Variants in ZNF462 observed in about 807,000 individuals in gnomAD.
ZNF462 encodes the protein zinc finger PBX1-interacting protein.
ZNF462 carries 10 observed loss-of-function variants against 201.9 expected under a neutral mutation model. That is an observed-to-expected ratio of 0.05 (90% CI 0.03 to 0.08). The LOEUF (loss-of-function observed/expected upper bound fraction) is 0.08. Among genes scored for constraint, ZNF462 ranks in the 10% least tolerant of loss-of-function variants. The pLI, the probability that ZNF462 is intolerant of heterozygous loss-of-function variation, is 1.00. For missense variants in ZNF462, 2,523 were observed against 3,168.3 expected, an observed-to-expected ratio of 0.80 and a Z score of 4.89; for synonymous variants, 1,227 against 1,193.3, an observed-to-expected ratio of 1.03 and a Z score of -0.58.
At chr9:106,937,334 A>G (rs1830673737) in intron 6 of ZNF462, among the ~76,000 whole-genome samples, 1 of 152,174 alleles carries the variant, frequency 6.6e-6, no homozygotes, top group South Asian at 2.1e-4. Context: ...CTCACTTCAC[A>G]TGTGAACCCA....
At chr9:107,007,421 C>T (rs779192515) in intron 11 of ZNF462, among the ~76,000 whole-genome samples, 1 of 152,140 alleles carries the variant, frequency 6.6e-6, no homozygotes, top group Non-Finnish European at 1.5e-5. Flanking sequence ...CCTCTTCTCA[C>T]TGGAAAAAGT....
At chr9:106,951,412 G>GATTT (rs891210874) in intron 7 of ZNF462, among the ~76,000 whole-genome samples, 4 of 152,136 alleles carry the variant, frequency 2.6e-5, no homozygotes, top group Non-Finnish European at 5.9e-5. Flanking sequence ...GTAGGTTTAA[G>GATTT]ATTTATTTAT....
chr9:106,871,959 G>A (rs758188125), intron 1 of ZNF462, among the ~76,000 whole-genome samples: 47 of 152,190 alleles, frequency 3.1e-4, no homozygotes, highest in Non-Finnish European at 5.0e-4. Flanking sequence ...ACTACCTGGC[G>A]TCAGTTTGGG....
intron 7 of ZNF462, among the ~76,000 whole-genome samples, 192 bp downstream of exon 7, chr9:106,939,299 G>T (rs1451891374): frequency 6.6e-6 from 1 of 152,180 alleles, no homozygotes; most frequent in East Asian, 1.9e-4. Flanking sequence ...GAGCATCTGT[G>T]TGACGCCATG....
intron 1 of ZNF462, among the ~76,000 whole-genome samples, chr9:106,878,097 G>A (rs1215663123): frequency 6.6e-6 from 1 of 152,156 alleles, no homozygotes; most frequent in Non-Finnish European, 1.5e-5. Flanking sequence ...ACAGAGTAGT[G>A]GGAAAGTGAT....
At chr9:106,975,223 C>T (rs772101888) in intron 9 of ZNF462, 2 of 152,244 alleles carry the variant, frequency 1.3e-5, no homozygotes, top group Non-Finnish European at 1.5e-5. Flanking sequence ...CCCTTCTTTT[C>T]ATCCTCTTCC....
At chr9:106,873,149 T>C (rs575810340) in intron 1 of ZNF462, among the ~76,000 whole-genome samples, 3 of 152,336 alleles carry the variant, frequency 2.0e-5, no homozygotes, top group African/African-American at 7.2e-5. Flanking sequence ...GCCAGGAGTA[T>C]ATCCTTGGAG....
In ZNF462 at chr9:106,890,413, T is replaced by C. The variant is rs1184847563; in HGVS notation, c.-31+27058T>C. Among the ~76,000 whole-genome samples the C allele has an allele frequency of 6.6e-6, 1 of 152,232 alleles. No homozygotes were observed. Among genetic ancestry groups the C allele is most frequent in the African/African-American group, 2.4e-5 (1 of 41,462 alleles). ...TCGGGAGAATTCCTTCATTTCCTTC[T>C]GGAGTCCTTTTTGGGCATACAAAAA... On this transcript the variant is annotated intron_variant, in intron 1 of 12. Coordinates refer to ENST00000277225, the MANE Select transcript of ZNF462 (RefSeq NM_021224.6). The surrounding 1 kb of genome is among the most constrained non-coding windows in gnomAD (Gnocchi z 4.2).
At chr9:106,996,843 G>A (rs1016706724) in intron 10 of ZNF462, among the ~76,000 whole-genome samples, 1 of 152,006 alleles carries the variant, frequency 6.6e-6, no homozygotes, top group African/African-American at 2.4e-5. Flanking sequence ...AATTCAAATA[G>A]CATTTATTGT....
rs537460344 is a variant in ZNF462, at chr9:106,872,736, A to G, written c.-31+9381A>G. ...TTCCCCCCTTTCTGCTGTCAATTGA[A>G]TATTGTCTGTTCTAATACTGGGTAA... On this transcript the variant is annotated intron_variant, in intron 1 of 12. Coordinates refer to ENST00000277225, the MANE Select transcript of ZNF462 (RefSeq NM_021224.6). This position sits in a 1 kb window ranked among gnomAD's most constrained non-coding sequence, Gnocchi z 4.5. 2.0e-5 allele frequency among the ~76,000 whole-genome samples: 3 copies of G among 152,138 alleles called. No individual in the cohort carries two copies. Among genetic ancestry groups the G allele is most frequent in the Non-Finnish European group, 4.4e-5 (3 of 68,028 alleles).
At chr9:106,878,239 C>A (rs559744574) in intron 1 of ZNF462, among the ~76,000 whole-genome samples, 1 of 152,240 alleles carries the variant, frequency 6.6e-6, no homozygotes, top group South Asian at 2.1e-4. Context: ...CTGGTGAAGC[C>A]TGAGAGGCAT....
At chr9:106,967,117 T>C (rs570038195) in intron 7 of ZNF462, among the ~76,000 whole-genome samples, 1 of 152,260 alleles carries the variant, frequency 6.6e-6, no homozygotes, top group East Asian at 1.9e-4. Context: ...TTACTGTTCA[T>C]TTGTTCTCTT....
At chr9:106,911,330 C>T (rs749133841) in intron 1 of ZNF462, among the ~76,000 whole-genome samples, 18 of 152,238 alleles carry the variant, frequency 1.2e-4, no homozygotes, top group East Asian at 1.2e-3. Flanking sequence ...TTCATCCAGT[C>T]GGCAGCATTT....
At position 106,935,417 on chromosome 9, in the gene ZNF462, G is replaced by C; in HGVS notation, c.6117-86G>C. ...AAGGACTTTGAACGACCTAGAAGTA[G>C]GATTCCTGGAAAAAAAGCAATGAGC... On this transcript the variant is annotated intron_variant, in intron 5 of 12. Transcript: ENST00000277225. This position sits in a 1 kb window ranked among gnomAD's most constrained non-coding sequence, Gnocchi z 4.1. The C allele has an allele frequency of 8.6e-7, 1 of 1,161,228 alleles. No homozygotes were observed. Among genetic ancestry groups the C allele is most frequent in the Non-Finnish European group, 1.3e-6 (1 of 781,864 alleles). The allele number at this position is 1,161,228 out of a possible 1,614,324, so 71.9% of individuals were successfully genotyped here.
At chr9:106,999,617 T>C (rs953940130) in intron 10 of ZNF462, among the ~76,000 whole-genome samples, 1 of 152,174 alleles carries the variant, frequency 6.6e-6, no homozygotes, top group Non-Finnish European at 1.5e-5. Context: ...CATGAAGAAG[T>C]TGGATATACA....
chr9:106,914,800 G>A (rs1356802925), intron 1 of ZNF462, among the ~76,000 whole-genome samples: 1 of 152,168 alleles, frequency 6.6e-6, no homozygotes, highest in Non-Finnish European at 1.5e-5. Flanking sequence ...TGGGTTGGTG[G>A]TGTGAGTAGG....
In ZNF462 at chr9:106,926,937, C is replaced by T; in HGVS notation, c.3025C>T (p.Pro1009Ser). 1 of 1,614,140 alleles carries T rather than the reference C, an allele frequency of 6.2e-7. No individual in the cohort carries two copies. Among genetic ancestry groups the T allele is most frequent in the Non-Finnish European group, 8.5e-7 (1 of 1,180,036 alleles). Residue 1009 changes from proline to serine, a missense_variant, in exon 3 of 13, where the codon CCT (proline) becomes TCT (serine). By Grantham distance (74) the Pro-to-Ser change is moderately conservative (BLOSUM62 -1). Transcript: ENST00000277225. The surrounding 1 kb of genome is among the most constrained non-coding windows in gnomAD (Gnocchi z 7.9). Reference sequence around the variant, plus strand: ...GCCAGCTACGTTCAACAAAAACACTCCTAAGACCTTTACTCCTGAATGTGA... The same window carrying T: ...GCCAGCTACGTTCAACAAAAACACTTCTAAGACCTTTACTCCTGAATGTGA... ...GLPATFNKNT[P>S]KTFTPECENQ... is the part of the protein sequence containing the mutation.
rs56994076 is a variant in ZNF462, at chr9:107,013,120, GAAAA to G, written c.*2098_*2101del. On this transcript the variant is annotated 3_prime_UTR_variant, in exon 13 of 13. Transcript: ENST00000277225. ...AACAAACAAAAAAAGAAAGAAAAAG[GAAAA>G]AAAAAAAGAAAATAATTGTGACATG... 7.1e-6 allele frequency: 1 copy of G among 140,044 alleles called. No homozygotes were observed. The highest frequency in any genetic ancestry group is 1.6e-5 in the Non-Finnish European group (1 of 63,718). The allele number at this position is 140,044 out of a possible 1,614,324, so 8.7% of individuals were successfully genotyped here. A position where few individuals can be genotyped will look rare whatever the true frequency, so the allele number is the denominator to read the frequency against.
intron 10 of ZNF462, chr9:106,995,397 C>G (rs144107271): frequency 6.6e-6 from 1 of 152,214 alleles, no homozygotes; most frequent in African/African-American, 2.4e-5. Flanking sequence ...TGCTACTGTT[C>G]TATCCCATCA....
Sources: allele counts gnomAD v4.1 joint callset (sites outside exome capture counted in the v4.1 genomes callset), GRCh38; gene constraint gnomAD v4.1.1; non-coding constraint Gnocchi (gnomAD v3.1); transcripts MANE v1.5; gene names NCBI Gene and HGNC (gene_info 2026-07-23, HGNC 2026-07-21).